Variants in ADGRA2 observed in about 807,000 individuals in gnomAD.
ADGRA2 encodes the protein G-protein coupled receptor 124.
A neutral mutation model predicts 98.7 loss-of-function variants in ADGRA2; 61 were observed. The observed-to-expected ratio is 0.62, with a 90% CI of 0.50 to 0.76. The LOEUF (loss-of-function observed/expected upper bound fraction) is 0.76. Among genes scored for constraint, ADGRA2 ranks in the 30% least tolerant of loss-of-function variants. The probability of loss-of-function intolerance (pLI) is 0.00; values close to 1 mark genes in which losing one functional copy is unlikely to be tolerated. For synonymous variants in ADGRA2, 858 were observed against 831.5 expected, an observed-to-expected ratio of 1.03 and a Z score of -0.55; for missense variants, 1,712 against 1,860.0, an observed-to-expected ratio of 0.92 and a Z score of 1.46.
intron 8 of ADGRA2, among the ~76,000 whole-genome samples, chr8:37,831,852 G>A (rs1805464150): frequency 6.6e-6 from 1 of 152,194 alleles, no homozygotes; most frequent in Admixed American, 6.5e-5. Flanking sequence ...ATCATCTGAG[G>A]TCAGGAGATC....
chr8:37,814,438 G>A lies in ADGRA2; in HGVS notation c.267-458G>A, dbSNP rs563768836. ...GTGTGCGAGCCTCCGAGGAAGGGCA[G>A]CTCCCGCCTGCCTCCAGACCTTCTG... On this transcript the variant is annotated intron_variant, in intron 1 of 18. Transcript: ENST00000412232. This position sits in a 1 kb window ranked among gnomAD's most constrained non-coding sequence, Gnocchi z 4.3. Among the ~76,000 whole-genome samples the A allele has an allele frequency of 2.6e-5, 4 of 152,320 alleles. No homozygotes were observed. The highest frequency in any genetic ancestry group is 9.6e-5 in the African/African-American group (4 of 41,582).
Position 37,797,196 on chromosome 8 carries a change from C to G in ADGRA2, c.-73C>G. The stretch of plus-strand genomic sequence containing the variant: ...CCGGGCCCCCGCTGAGCACTCCTCC[C>G]GCACGCCTGGGTCCCTCCGGCCGGC... On this transcript the variant is annotated 5_prime_UTR_variant, in exon 1 of 19. Transcript: ENST00000412232. The surrounding 1 kb of genome is among the most constrained non-coding windows in gnomAD (Gnocchi z 5.3). The G allele has an allele frequency of 8.7e-7, 1 of 1,145,240 alleles. No individual in the cohort carries two copies. Among genetic ancestry groups the G allele is most frequent in the East Asian group, 3.7e-5 (1 of 27,196 alleles). The allele number at this position is 1,145,240 out of a possible 1,614,324, so 70.9% of individuals were successfully genotyped here.
Position 37,797,158 on chromosome 8 carries a change from G to A in ADGRA2, c.-111G>A. On this transcript the variant is annotated 5_prime_UTR_variant, in exon 1 of 19. Transcript: ENST00000412232. This position sits in a 1 kb window ranked among gnomAD's most constrained non-coding sequence, Gnocchi z 5.3. ...GCCTCCGCCCAGGGCCCCCCTCCAC[G>A]CCCTCGGGAGCCCCGGGCCCCCGCT... The A allele has an allele frequency of 1.2e-6, 1 of 825,136 alleles. No homozygotes were observed. Among genetic ancestry groups the A allele is most frequent in the Non-Finnish European group, 1.6e-6 (1 of 641,916 alleles). 51.1% of individuals were successfully genotyped at this position (825,136 alleles called of 1,614,324 possible).
intron 2 of ADGRA2, among the ~76,000 whole-genome samples, chr8:37,817,544 A>G (rs1805015411): frequency 6.6e-6 from 1 of 151,986 alleles, no homozygotes; most frequent in African/African-American, 2.4e-5. Flanking sequence ...GTCTCTAGAA[A>G]AAATATTTTT....
chr8:37,840,866 C>CA lies in ADGRA2; in HGVS notation c.2747+17_2747+18insA. 7.3e-7 allele frequency: 1 copy of CA among 1,374,874 alleles called. No homozygotes were observed. Among genetic ancestry groups the CA allele is most frequent in the Non-Finnish European group, 1.0e-6 (1 of 968,894 alleles). 85.2% of individuals were successfully genotyped at this position (1,374,874 alleles called of 1,614,324 possible). A position where few individuals can be genotyped will look rare whatever the true frequency, so the allele number is the denominator to read the frequency against. On this transcript the variant is annotated intron_variant, in intron 18 of 18. Transcript: ENST00000412232. ...CAGCCCCTAGTGAGCACCCCTCCCT[C>CA]CCGCCCCAAGCCTACCTACCTAACA...
intron 2 of ADGRA2, among the ~76,000 whole-genome samples, chr8:37,823,496 T>C (rs1279756148): frequency 6.6e-6 from 1 of 152,166 alleles, no homozygotes; most frequent in East Asian, 1.9e-4. Context: ...CTACCACACG[T>C]GGCCAGTTTC....
chr8:37,826,293 C>T (rs939544864), intron 2 of ADGRA2, among the ~76,000 whole-genome samples: 1 of 152,108 alleles, frequency 6.6e-6, no homozygotes, highest in Non-Finnish European at 1.5e-5. Context: ...CTGGGACAGT[C>T]CCAGAGGGGC....
rs34759771 is a variant in ADGRA2, at chr8:37,811,474, C to CTTTTTTTTT, written c.267-3412_267-3404dup. 6.2e-4 allele frequency among the ~76,000 whole-genome samples: 69 copies of CTTTTTTTTT among 112,192 alleles called. 2 individuals carry two copies. Among genetic ancestry groups the CTTTTTTTTT allele is most frequent in the African/African-American group, 2.3e-3 (67 of 28,892 alleles). The allele number at this position is 112,192 out of a possible 152,430, so 73.6% of individuals were successfully genotyped here. ...GATGTAAACCACTGCACCCAGCCAA[C>CTTTTTTTTT]TTTTTTTTTTTTTTTTTTGGCAACA... On this transcript the variant is annotated intron_variant, in intron 1 of 18. Transcript: ENST00000412232.
intron 18 of ADGRA2, 25 bp downstream of exon 18, chr8:37,840,874 AAG>A: frequency 1.6e-6 from 1 of 627,676 alleles, no homozygotes; most frequent in Non-Finnish European, 2.4e-6. Flanking sequence ...CTCCCGCCCC[AAG>A]CCTACCTACC....
At chr8:37,809,920 G>A (rs1283749503) in intron 1 of ADGRA2, among the ~76,000 whole-genome samples, 2 of 152,090 alleles carry the variant, frequency 1.3e-5, no homozygotes, top group East Asian at 1.9e-4. Flanking sequence ...AAGCTATTCT[G>A]GGCCAGAGGC....
At chr8:37,826,681 C>T (rs140926015) in intron 2 of ADGRA2, among the ~76,000 whole-genome samples, 2 of 152,294 alleles carry the variant, frequency 1.3e-5, no homozygotes, top group South Asian at 4.1e-4. Flanking sequence ...CAAACAGGCC[C>T]CCTGGTGGGA....
intron 2 of ADGRA2, among the ~76,000 whole-genome samples, chr8:37,815,988 G>T (rs1279450621): frequency 6.6e-6 from 1 of 152,154 alleles, no homozygotes. Context: ...GACAGGGAGG[G>T]CCCTTGGCCC....
intron 1 of ADGRA2, among the ~76,000 whole-genome samples, chr8:37,810,868 G>A (rs1165530712): frequency 6.6e-6 from 1 of 152,040 alleles, no homozygotes; most frequent in Non-Finnish European, 1.5e-5. Context: ...TGTAATCCCA[G>A]CACTTTGGGA....
chr8:37,824,219 A>AC (rs1279641470), intron 2 of ADGRA2, among the ~76,000 whole-genome samples: 5 of 151,824 alleles, frequency 3.3e-5, no homozygotes, highest in South Asian at 2.1e-4. Context: ...TTTAGTAGAG[A>AC]TGGGTTTCAC....
intron 2 of ADGRA2, among the ~76,000 whole-genome samples, chr8:37,817,672 AC>A (rs1314388335): frequency 6.6e-6 from 1 of 151,446 alleles, no homozygotes. Flanking sequence ...GTGCCACTGC[AC>A]TCCAGCTTGG....
In ADGRA2 at chr8:37,822,393, A is replaced by ACACACACACACG. The variant is rs1442056029; in HGVS notation, c.339-6484_339-6483insGCACACACACAC. On this transcript the variant is annotated intron_variant, in intron 2 of 18. Transcript: ENST00000412232. Reference sequence around the variant, plus strand: ...CCTGCCTGTATGTGGGTACACACACACACACACACACACACAGTCACATGC... The same window carrying ACACACACACACG: ...CCTGCCTGTATGTGGGTACACACACACACACACACACGCACACACACACACACAGTCACATGC... Among the ~76,000 whole-genome samples, 25 of 129,444 alleles carry ACACACACACACG rather than the reference A, an allele frequency of 1.9e-4. 1 individual carries two copies. The highest frequency in any genetic ancestry group is 9.2e-4 in the African/African-American group (25 of 27,292). The allele number at this position is 129,444 out of a possible 152,430, so 84.9% of individuals were successfully genotyped here.
At chr8:37,828,986 C>G in intron 3 of ADGRA2, 27 bp downstream of exon 3, 1 of 1,497,946 alleles carries the variant, frequency 6.7e-7, no homozygotes, top group Non-Finnish European at 9.0e-7. Context: ...CCCCTGACCC[C>G]ACCCCTCCCC....
chr8:37,811,125 A>C (rs1335089932), intron 1 of ADGRA2, among the ~76,000 whole-genome samples: 19 of 147,436 alleles, frequency 1.3e-4, no homozygotes, highest in East Asian at 1.2e-3. Flanking sequence ...AAAACAAAAA[A>C]AAAAAAAAAA....
At chr8:37,821,127 T>C (rs1229879214) in intron 2 of ADGRA2, among the ~76,000 whole-genome samples, 1 of 152,144 alleles carries the variant, frequency 6.6e-6, no homozygotes, top group Non-Finnish European at 1.5e-5. Flanking sequence ...GAAAGACTTT[T>C]GGGGCAGAGA....
Sources: allele counts gnomAD v4.1 joint callset (sites outside exome capture counted in the v4.1 genomes callset), GRCh38; gene constraint gnomAD v4.1.1; non-coding constraint Gnocchi (gnomAD v3.1); transcripts MANE v1.5; gene names NCBI Gene and HGNC (gene_info 2026-07-23, HGNC 2026-07-21).